Variants in SPEF2 observed in about 807,000 individuals in gnomAD.
SPEF2 encodes the protein sperm flagella and cilia-associated protein 2.
In SPEF2, 187 loss-of-function variants were observed where a neutral mutation model predicts 224.6. That is an observed-to-expected ratio of 0.83 (90% CI 0.74 to 0.94). SPEF2 has a LOEUF of 0.94. Among genes scored for constraint, SPEF2 ranks in the 40% least tolerant of loss-of-function variants. SPEF2 has a pLI of 0.00. For missense variants in SPEF2, 2,170 were observed against 2,135.6 expected, an observed-to-expected ratio of 1.02 and a Z score of -0.32; for synonymous variants, 715 against 707.3, an observed-to-expected ratio of 1.01 and a Z score of -0.17.
Position 35,740,243 on chromosome 5 carries a change from G to A in SPEF2, c.3306G>A (p.Lys1102=), listed in dbSNP as rs1580530081. 1.2e-6 allele frequency: 2 copies of A among 1,614,098 alleles called. No homozygotes were observed. The highest frequency in any genetic ancestry group is 1.7e-6 in the Non-Finnish European group (2 of 1,180,002). Residue 1102 remains lysine (K), a synonymous_variant, in exon 23 of 37, where the codon AAG becomes AAA. Coordinates refer to ENST00000356031, the MANE Select transcript of SPEF2 (RefSeq NM_024867.4). ...PDDLWDDEET[K]AELHQRVNDL... ...ACCTGTGGGATGATGAGGAAACAAA[G>A]GCTGAACTACATCAACGAGTGAATG... is the stretch of plus-strand genomic sequence containing the variant.
At chr5:35,715,171 C>G (rs1423092167) in intron 20 of SPEF2, among the ~76,000 whole-genome samples, 1 of 152,130 alleles carries the variant, frequency 6.6e-6, no homozygotes, top group Non-Finnish European at 1.5e-5. Context: ...CCCGCTTCAG[C>G]CTTCCAAAGT....
At position 35,623,256 on chromosome 5, in the gene SPEF2, A is replaced by G. The variant is rs180718649; in HGVS notation, c.58+5201A>G. ...TACCCAGCCGGTTTCTAGGAACACC[A>G]CAGCCTGATAGGGCCATGCTGGTTC... On this transcript the variant is annotated intron_variant, in intron 1 of 36. Coordinates refer to ENST00000356031, the MANE Select transcript of SPEF2 (RefSeq NM_024867.4). Among the ~76,000 whole-genome samples the G allele has an allele frequency of 8.9e-4, 135 of 152,306 alleles. 2 individuals carry two copies. Among genetic ancestry groups the G allele is most frequent in the African/African-American group, 3.2e-3 (131 of 41,568 alleles).
chr5:35,795,968 T>C (rs1157753248), intron 33 of SPEF2, among the ~76,000 whole-genome samples, 173 bp downstream of exon 33: 1 of 152,158 alleles, frequency 6.6e-6, no homozygotes, highest in Non-Finnish European at 1.5e-5. Flanking sequence ...TGTAGAGAAG[T>C]TCTGGGGAGG....
At chr5:35,795,571 C>T in intron 32 of SPEF2, 132 bp from the exon 33 acceptor site, 1 of 611,390 alleles carries the variant, frequency 1.6e-6, no homozygotes, top group African/African-American at 1.9e-5. Context: ...TCTCCTACAC[C>T]CCTGTGGTTT....
At chr5:35,677,719 T>C (rs947001895) in intron 10 of SPEF2, among the ~76,000 whole-genome samples, 24 of 152,032 alleles carry the variant, frequency 1.6e-4, no homozygotes, top group African/African-American at 5.6e-4. Flanking sequence ...GAAATCAGAG[T>C]GCTAATCAGA....
intron 26 of SPEF2, among the ~76,000 whole-genome samples, chr5:35,764,353 G>A (rs1043947735): frequency 6.6e-6 from 1 of 151,848 alleles, no homozygotes; most frequent in Non-Finnish European, 1.5e-5. Context: ...AGTTCTCCTA[G>A]CAGGTAAATA....
chr5:35,700,413 A>C (rs1377780619), intron 15 of SPEF2, 83 bp from the exon 16 acceptor site: 1 of 1,278,736 alleles, frequency 7.8e-7, no homozygotes, highest in African/African-American at 1.5e-5. Context: ...GTGGAATTGA[A>C]AGAAAAAGGA....
chr5:35,784,040 G>A (rs1754725181), intron 30 of SPEF2, among the ~76,000 whole-genome samples: 1 of 151,988 alleles, frequency 6.6e-6, no homozygotes, highest in Admixed American at 6.6e-5. Context: ...TTCTTCAAAA[G>A]ATGCAGCATT....
rs537823429 is a variant in SPEF2, at chr5:35,786,591, C to T, written c.4448-5749C>T. ...AGGAGAATTGCTTGAACCCAGGAGG[C>T]GGAAGTTGTAGTGAGCCAAAATCGT... On this transcript the variant is annotated intron_variant, in intron 30 of 36. Transcript: ENST00000356031. 7.2e-5 allele frequency among the ~76,000 whole-genome samples: 11 copies of T among 152,070 alleles called. No individual in the cohort carries two copies. The East Asian group carries it at 1.9e-3, about 27-fold the overall frequency.
chr5:35,806,660 GA>G (rs760956261), intron 34 of SPEF2, 46 bp from the exon 35 acceptor site: 20 of 1,574,014 alleles, frequency 1.3e-5, no homozygotes, highest in Non-Finnish European at 1.7e-5. Context: ...TCCATTGGTG[GA>G]AAAAACTTCA....
chr5:35,654,730 A>C lies in SPEF2; in HGVS notation c.978+4A>C. On this transcript the variant is annotated splice_donor_region_variant and intron_variant, in intron 7 of 36. Coordinates refer to ENST00000356031, the MANE Select transcript of SPEF2 (RefSeq NM_024867.4). ...AATAGCCCACGAAGCACAAGAGGTA[A>C]GATATTTAGATGAAGGTTAAGTAAT... The C allele has an allele frequency of 6.2e-7, 1 of 1,600,854 alleles. No homozygotes were observed. Among genetic ancestry groups the C allele is most frequent in the Non-Finnish European group, 8.5e-7 (1 of 1,176,312 alleles).
intron 32 of SPEF2, among the ~76,000 whole-genome samples, chr5:35,795,220 C>A (rs1030981413): frequency 4.6e-5 from 7 of 151,794 alleles, no homozygotes; most frequent in African/African-American, 1.5e-4. Context: ...AGTTACTTAA[C>A]AAAGAGTTTT....
At chr5:35,753,280 C>A (rs932412911) in intron 23 of SPEF2, among the ~76,000 whole-genome samples, 12 of 151,942 alleles carry the variant, frequency 7.9e-5, no homozygotes, top group Non-Finnish European at 1.2e-4. Context: ...ATTGCCATTT[C>A]CCCCCCAAAA....
In SPEF2 at chr5:35,701,314, T is replaced by C. The variant is rs555733135; in HGVS notation, c.2398+562T>C. Among the ~76,000 whole-genome samples, 237 of 152,318 alleles carry C rather than the reference T, an allele frequency of 1.6e-3. 1 individual carries two copies. Among genetic ancestry groups the C allele is most frequent in the African/African-American group, 5.4e-3 (226 of 41,578 alleles). On this transcript the variant is annotated intron_variant, in intron 16 of 36. Coordinates refer to ENST00000356031, the MANE Select transcript of SPEF2 (RefSeq NM_024867.4). The stretch of plus-strand genomic sequence containing the variant: ...GGGTAAAAGCACTTATTCTTGAACC[T>C]TGGCTTTCTTACATAGAAGGTATTT...
At position 35,709,117 on chromosome 5, in the gene SPEF2, A is replaced by G. The variant is rs374650235; in HGVS notation, c.2835A>G (p.Gln945=). 1.7e-5 allele frequency: 27 copies of G among 1,611,146 alleles called. No homozygotes were observed. In the African/African-American group the frequency reaches 2.3e-4, roughly 14 times the overall value. ...SKTPTAKGKP[Q]SEAPHGKQES... ...CTCCTACTGCAAAAGGAAAACCTCA[A>G]TCAGGTGATTGACAGAATGATTTAT... Residue 945 remains glutamine (Q), a synonymous_variant, in exon 19 of 37, where the codon CAA becomes CAG. Transcript: ENST00000356031.
intron 16 of SPEF2, among the ~76,000 whole-genome samples, chr5:35,702,580 C>T (rs184519862): frequency 1.3e-4 from 20 of 152,108 alleles, no homozygotes; most frequent in Admixed American, 6.5e-4. Context: ...CTTCTGGGAC[C>T]GATAATGTTT....
intron 21 of SPEF2, 103 bp from the exon 22 acceptor site, chr5:35,739,816 C>A: frequency 7.7e-7 from 1 of 1,305,078 alleles, no homozygotes; most frequent in East Asian, 2.3e-5. Flanking sequence ...TATGTAGTTG[C>A]AGTTGCATCT....
At chr5:35,719,106 C>T (rs1255589303) in intron 20 of SPEF2, among the ~76,000 whole-genome samples, 2 of 152,194 alleles carry the variant, frequency 1.3e-5, no homozygotes, top group Non-Finnish European at 2.9e-5. Flanking sequence ...ATTCCCATCA[C>T]CTCAGAGGAT....
At chr5:35,776,203 G>T in intron 28 of SPEF2, 54 bp from the exon 29 acceptor site, 1 of 1,544,918 alleles carries the variant, frequency 6.5e-7, no homozygotes, top group Non-Finnish European at 8.7e-7. Context: ...CTGTTCATTA[G>T]TAAATGCATG....
Sources: gnomAD v4.1 joint callset for allele counts (sites outside exome capture counted in the v4.1 genomes callset) on GRCh38, gnomAD v4.1.1 for gene constraint, MANE v1.5 for transcripts, NCBI Gene and HGNC (gene_info 2026-07-23, HGNC 2026-07-21) for gene names.